The following PCDHGA7 variants were observed in gnomAD, a reference collection of about 807,000 sequenced individuals.
PCDHGA7 encodes protocadherin gamma subfamily A, 7, also known as protocadherin gamma-A7.
Under a neutral mutation model 58.3 loss-of-function variants are expected in PCDHGA7, and 44 were observed. That is an observed-to-expected ratio of 0.75 (90% confidence interval 0.59 to 0.97). The LOEUF (loss-of-function observed/expected upper bound fraction) is 0.97, where lower values mean the gene tolerates loss of function less well. PCDHGA7 is among the 50% of genes least tolerant of loss of function. The pLI is 0.00. For synonymous variants in PCDHGA7, 516 were observed against 504.2 expected, an observed-to-expected ratio of 1.02 and a Z score of -0.31; for missense variants, 1,266 against 1,188.7, an observed-to-expected ratio of 1.06 and a Z score of -0.96.
At chr5:141,441,196 G>C (rs575668023) in intron 1 of PCDHGA7, 2 of 152,266 alleles carry the variant, frequency 1.3e-5, no homozygotes, top group East Asian at 3.9e-4. Flanking sequence ...GATTCCCAAA[G>C]ATTCTGCACC....
chr5:141,412,918 G>A (rs893690519), intron 1 of PCDHGA7: 17 of 414,102 alleles, frequency 4.1e-5, no homozygotes, highest in Non-Finnish European at 5.5e-5. Context: ...TATCACTTGG[G>A]TGCAGTAACT....
In PCDHGA7 at chr5:141,394,383, C is replaced by G. The variant is rs2092989606; in HGVS notation, c.2424+9060C>G. The G allele has an allele frequency of 3.1e-6, 5 of 1,614,118 alleles. No homozygotes were observed. In the Admixed American group the frequency reaches 5.0e-5, roughly 16 times the overall value. ...TGCGCTGCAATCTTTCGACTATGAG[C>G]AGATCCGAGACCTGCAGCTACTGGT... On this transcript the variant is annotated intron_variant, in intron 1 of 3. Transcript: ENST00000518325.
rs1176011355 is a variant in PCDHGA7 at position 141,485,491 on chromosome 5, G to A, written c.2425-9316G>A. The A allele has an allele frequency of 1.2e-6, 2 of 1,614,142 alleles. No individual in the cohort carries two copies. Among genetic ancestry groups the A allele is most frequent in the Non-Finnish European group, 1.7e-6 (2 of 1,180,040 alleles). On this transcript the variant is annotated intron_variant, in intron 1 of 3. Transcript: ENST00000518325. This position sits in a 1 kb window ranked among gnomAD's most constrained non-coding sequence, Gnocchi z 5.7. ...TCAGTGCCAGCTGCATCGTGCCCCT[G>A]GAGTTTGTCACCGAAGGTCCTTTGG...
rs763433178 is a variant in PCDHGA7, at chr5:141,409,635, A to G, written c.2424+24312A>G. On this transcript the variant is annotated intron_variant, in intron 1 of 3. Transcript: ENST00000518325. ...TCCATTGCGCAAGTGAGCGCCTCTG[A>G]CCCGGATTTGGGGCTCAATGGCCAC... 3 of 1,613,784 alleles carry G rather than the reference A, an allele frequency of 1.9e-6. No individual in the cohort carries two copies. The South Asian group carries it at 3.3e-5, about 18-fold the overall frequency.
intron 1 of PCDHGA7, chr5:141,441,986 C>G (rs2098288559): frequency 7.4e-6 from 2 of 269,216 alleles, no homozygotes; most frequent in Non-Finnish European, 1.5e-5. Flanking sequence ...GAATGCGCAC[C>G]GACGAGGTGC....
At chr5:141,439,622 TCC>T (rs1374759651) in intron 1 of PCDHGA7, among the ~76,000 whole-genome samples, 1 of 152,134 alleles carries the variant, frequency 6.6e-6, no homozygotes, top group Non-Finnish European at 1.5e-5. Context: ...AATGAGCCAA[TCC>T]CCAGACATTC....
chr5:141,467,055 CTTT>C (rs1193465269), intron 1 of PCDHGA7, among the ~76,000 whole-genome samples: 5 of 134,460 alleles, frequency 3.7e-5, no homozygotes, highest in Admixed American at 7.5e-5. Context: ...TCAATGTTTT[CTTT>C]TTTTTTTTTT....
Position 141,389,842 on chromosome 5 carries a change from C to G in PCDHGA7, c.2424+4519C>G, listed in dbSNP as rs779733638. The G allele has an allele frequency of 3.7e-6, 6 of 1,613,900 alleles. No individual in the cohort carries two copies. In the Admixed American group the frequency reaches 8.3e-5, roughly 22 times the overall value. ...CGTGACGGTGGACAGCCACCACTCT[C>G]GGCCACTGCCACGTTGCACCTGGTC... On this transcript the variant is annotated intron_variant, in intron 1 of 3. Coordinates refer to ENST00000518325, the MANE Select transcript of PCDHGA7 (RefSeq NM_018920.4).
At chr5:141,475,950 C>T (rs1236145505) in intron 1 of PCDHGA7, 3 of 761,526 alleles carry the variant, frequency 3.9e-6, no homozygotes, top group East Asian at 2.7e-5. Context: ...CCCCTTTCTG[C>T]GCCCCGGGAT....
intron 1 of PCDHGA7, chr5:141,433,123 C>G (rs575738328): frequency 3.7e-6 from 6 of 1,614,116 alleles, no homozygotes; most frequent in Non-Finnish European, 5.1e-6. Context: ...TTGAAAAAAG[C>G]GAGCCCCTTT....
chr5:141,419,540 C>A (rs999461892), intron 1 of PCDHGA7: 4 of 1,612,018 alleles, frequency 2.5e-6, no homozygotes. Flanking sequence ...CAACGCACCG[C>A]GGGTGCTGTA....
intron 1 of PCDHGA7, chr5:141,408,522 A>C: frequency 1.2e-6 from 2 of 1,614,026 alleles, no homozygotes; most frequent in Non-Finnish European, 1.7e-6. Flanking sequence ...TTGCAATTGG[A>C]AGCTGTGGTG....
intron 1 of PCDHGA7, among the ~76,000 whole-genome samples, chr5:141,401,347 A>T (rs2094143126): frequency 6.6e-6 from 1 of 152,228 alleles, no homozygotes; most frequent in South Asian, 2.1e-4. Context: ...CATCTCAAAA[A>T]AAAGGAAGGA....
At chr5:141,394,436 C>T in intron 1 of PCDHGA7, 1 of 1,614,234 alleles carries the variant, frequency 6.2e-7, no homozygotes, top group South Asian at 1.1e-5. Context: ...GGGACCCGCC[C>T]CTCAGCAGCA....
Position 141,405,224 on chromosome 5 carries a change from T to C in PCDHGA7, c.2424+19901T>C, listed in dbSNP as rs542102197. Reference sequence around the variant, plus strand: ...CCTACAGACCTATTCTCAGGAGTTCTCCCTCACCGCTGACTCAAGGAAGAG... The same window carrying C: ...CCTACAGACCTATTCTCAGGAGTTCCCCCTCACCGCTGACTCAAGGAAGAG... On this transcript the variant is annotated intron_variant, in intron 1 of 3. Coordinates refer to ENST00000518325, the MANE Select transcript of PCDHGA7 (RefSeq NM_018920.4). The C allele has an allele frequency of 2.6e-5, 42 of 1,614,036 alleles. No homozygotes were observed. The African/African-American group carries it at 4.7e-4, about 18-fold the overall frequency.
chr5:141,500,497 C>T (rs1214550546), intron 2 of PCDHGA7, among the ~76,000 whole-genome samples: 1 of 152,174 alleles, frequency 6.6e-6, no homozygotes, highest in Non-Finnish European at 1.5e-5. Context: ...GCGTGAGCCA[C>T]CGCGCCTGGC....
chr5:141,399,602 T>G, intron 1 of PCDHGA7: 1 of 1,613,956 alleles, frequency 6.2e-7, no homozygotes, highest in South Asian at 1.1e-5. Context: ...GCCAGCGACC[T>G]AGAGCCTCTG....
Position 141,491,529 on chromosome 5 carries a change from G to T in PCDHGA7, c.2425-3278G>T, listed in dbSNP as rs1157770121. ...GCACGCTCAAGTACATGGAGGTGAC[G>T]CTGCGGCCCACAGACTCGCAGAGCC... On this transcript the variant is annotated intron_variant, in intron 1 of 3. Transcript: ENST00000518325. This position sits in a 1 kb window ranked among gnomAD's most constrained non-coding sequence, Gnocchi z 6.9. The T allele has an allele frequency of 6.2e-7, 1 of 1,614,040 alleles. No individual in the cohort carries two copies. The highest frequency in any genetic ancestry group is 1.1e-5 in the South Asian group (1 of 91,080).
intron 1 of PCDHGA7, chr5:141,405,463 A>C: frequency 8.5e-7 from 1 of 1,181,354 alleles, no homozygotes. Flanking sequence ...TCTGTTACCC[A>C]GGCTGGAATG....
Sources: gnomAD v4.1 joint callset for allele counts (sites outside exome capture counted in the v4.1 genomes callset) on GRCh38, gnomAD v4.1.1 for gene constraint, Gnocchi (gnomAD v3.1) non-coding constraint, MANE v1.5 for transcripts, NCBI Gene and HGNC (gene_info 2026-07-23, HGNC 2026-07-21) for gene names.